The following LARGE1 variants were observed in gnomAD, a reference collection of about 807,000 sequenced individuals.
LARGE1 encodes the protein xylosyl- and glucuronyltransferase LARGE1.
LARGE1 carries 43 observed loss-of-function variants against 87.6 expected under a neutral mutation model. That is an observed-to-expected ratio of 0.49 (90% confidence interval 0.38 to 0.63). The LOEUF (loss-of-function observed/expected upper bound fraction) is 0.63, where lower values mean the gene tolerates loss of function less well. LARGE1 is among the 30% of genes least tolerant of loss of function. The pLI is 0.00. For synonymous variants in LARGE1, 434 were observed against 394.6 expected (o/e 1.10, Z -1.18); for missense variants, 802 against 1,000.2 (o/e 0.80, Z 2.67).
intron 6 of LARGE1, among the ~76,000 whole-genome samples, chr22:33,459,387 G>A (rs1441721728): frequency 1.3e-5 from 2 of 150,186 alleles, no homozygotes; most frequent in African/African-American, 2.4e-5. Context: ...CACCGTGAAA[G>A]TCTTTTACAG....
At chr22:33,689,331 G>T (rs2082030448) in intron 2 of LARGE1, among the ~76,000 whole-genome samples, 1 of 152,022 alleles carries the variant, frequency 6.6e-6, no homozygotes, top group Non-Finnish European at 1.5e-5. Context: ...GAACTCCAGA[G>T]CACACCCTGA....
rs150345007 is a variant in LARGE1 at position 33,458,249 on chromosome 22, G to T, written c.788-25984C>A. On this transcript the variant is annotated intron_variant, in intron 6 of 14. Transcript: ENST00000397394. ...AGCCTCCCAGTAGCTGGGACTACAG[G>T]TGCTGCCACCACGCTCGGCTAATTT... Among the ~76,000 whole-genome samples the T allele has an allele frequency of 4.5e-3, 678 of 150,892 alleles. 6 individuals carry two copies. The highest frequency in any genetic ancestry group is 0.016 in the African/African-American group (641 of 41,054).
intron 3 of LARGE1, among the ~76,000 whole-genome samples, chr22:33,632,299 T>G (rs2080135591): frequency 6.6e-6 from 1 of 152,178 alleles, no homozygotes; most frequent in Non-Finnish European, 1.5e-5. Context: ...AATATTTGTA[T>G]TTTTAGTAGA....
At chr22:33,846,627 T>C (rs898357949) in intron 1 of LARGE1, among the ~76,000 whole-genome samples, 2 of 152,126 alleles carry the variant, frequency 1.3e-5, no homozygotes, top group Non-Finnish European at 2.9e-5. Context: ...ATGGGAGAAA[T>C]ATCACTGAAT....
the LARGE1 span, among the ~76,000 whole-genome samples, chr22:33,072,387 G>A: frequency 2.6e-5 from 4 of 152,078 alleles, no homozygotes; most frequent in East Asian, 1.9e-4. Context: ...GATTTTCCAG[G>A]GAAATGAAAA....
At chr22:33,088,519 C>T in the LARGE1 span, among the ~76,000 whole-genome samples, 1 of 152,146 alleles carries the variant, frequency 6.6e-6, no homozygotes, top group African/African-American at 2.4e-5. Flanking sequence ...GAATGCCACA[C>T]CATTCAGAAA....
At chr22:33,100,587 A>G in the LARGE1 span, among the ~76,000 whole-genome samples, 1 of 152,120 alleles carries the variant, frequency 6.6e-6, no homozygotes, top group Non-Finnish European at 1.5e-5. Flanking sequence ...ATATTTTTAG[A>G]GTGGTGCTAC....
chr22:33,174,193 A>C (rs1165064829), intron 11 of LARGE1, among the ~76,000 whole-genome samples: 1 of 152,236 alleles, frequency 6.6e-6, no homozygotes, highest in Admixed American at 6.5e-5. Context: ...AAACTCACCC[A>C]AAACCACACA....
chr22:33,131,488 T>C, the LARGE1 span, among the ~76,000 whole-genome samples: 2 of 152,168 alleles, frequency 1.3e-5, no homozygotes, highest in Non-Finnish European at 2.9e-5. Flanking sequence ...GACTGAGTCA[T>C]TTATAAAGGA....
chr22:33,146,056 G>A, the LARGE1 span, among the ~76,000 whole-genome samples: 1 of 151,944 alleles, frequency 6.6e-6, no homozygotes, highest in African/African-American at 2.4e-5. Context: ...CGTCTCTAAG[G>A]GACAAAAATC....
At chr22:33,506,270 C>T (rs930604589) in intron 6 of LARGE1, among the ~76,000 whole-genome samples, 4 of 152,118 alleles carry the variant, frequency 2.6e-5, no homozygotes, top group African/African-American at 9.7e-5. Context: ...GAGGCAGCTG[C>T]TGCTTTTGGA....
chr22:33,593,902 A>C (rs1276908833), intron 5 of LARGE1, among the ~76,000 whole-genome samples: 1 of 152,228 alleles, frequency 6.6e-6, no homozygotes, highest in Non-Finnish European at 1.5e-5. Flanking sequence ...GCGCTGCTCA[A>C]GAGTCAGACT....
intron 12 of LARGE1, among the ~76,000 whole-genome samples, chr22:33,283,854 A>G (rs888112232): frequency 1.3e-5 from 2 of 151,910 alleles, no homozygotes; most frequent in Admixed American, 6.6e-5. Context: ...AAGAAAGAAA[A>G]AGTAAAGAAA....
At chr22:33,330,651 G>C (rs141352255) in intron 10 of LARGE1, among the ~76,000 whole-genome samples, 1 of 152,320 alleles carries the variant, frequency 6.6e-6, no homozygotes, top group African/African-American at 2.4e-5. Context: ...GTTCCAGGGA[G>C]AGATGCCCAA....
chr22:33,619,443 T>C (rs755086717), intron 4 of LARGE1, among the ~76,000 whole-genome samples: 63 of 149,980 alleles, frequency 4.2e-4, no homozygotes, highest in Non-Finnish European at 4.4e-4. Context: ...TAATCCCAGA[T>C]AGTTGGGAGG....
At chr22:33,243,870 A>C (rs1926632222) in intron 11 of LARGE1, among the ~76,000 whole-genome samples, 2 of 152,222 alleles carry the variant, frequency 1.3e-5, no homozygotes, top group African/African-American at 4.8e-5. Flanking sequence ...GGACTTACCC[A>C]TGGAGCCCAT....
intron 3 of LARGE1, among the ~76,000 whole-genome samples, 181 bp downstream of exon 3, chr22:33,650,186 A>G (rs2080749351): frequency 6.6e-6 from 1 of 152,186 alleles, no homozygotes; most frequent in Admixed American, 6.5e-5. Flanking sequence ...AAGCTCAGAG[A>G]GGCTAAATGA....
chr22:33,864,204 A>G (rs1442317213), intron 1 of LARGE1, among the ~76,000 whole-genome samples: 2 of 152,162 alleles, frequency 1.3e-5, no homozygotes, highest in Non-Finnish European at 2.9e-5. Flanking sequence ...GGTTCCTTGT[A>G]GGTTTAAGGG....
intron 3 of LARGE1, among the ~76,000 whole-genome samples, chr22:33,634,674 A>AAATAATAATAATAATAATAAT (rs139108196): frequency 6.7e-6 from 1 of 149,398 alleles, no homozygotes; most frequent in African/African-American, 2.5e-5. Context: ...AAAAATTTCA[A>AAATAATAATAATAATAATAAT]AATAATAATA....
Sources: gnomAD v4.1 joint callset for allele counts (sites outside exome capture counted in the v4.1 genomes callset) on GRCh38, gnomAD v4.1.1 for gene constraint, MANE v1.5 for transcripts, NCBI Gene and HGNC (gene_info 2026-07-23, HGNC 2026-07-21) for gene names.